The following CACNA2D1 variants were observed in gnomAD, a reference collection of about 807,000 sequenced individuals.
CACNA2D1 encodes the protein calcium voltage-gated channel auxiliary subunit alpha2delta 1.
In CACNA2D1, 53 loss-of-function variants were observed where a neutral mutation model predicts 171.5. The observed-to-expected ratio is 0.31, with a 90% CI of 0.25 to 0.39. The LOEUF is 0.39. Ranked by LOEUF, CACNA2D1 falls within the 10% of genes least tolerant of loss-of-function variation. CACNA2D1 has a pLI of 1.00. For synonymous variants in CACNA2D1, 442 were observed against 443.1 expected, an observed-to-expected ratio of 1.00 and a Z score of 0.03; for missense variants, 903 against 1,299.8, an observed-to-expected ratio of 0.69 and a Z score of 4.69.
intron 38 of CACNA2D1, among the ~76,000 whole-genome samples, chr7:81,953,399 C>G (rs960630709): frequency 1.3e-5 from 2 of 152,088 alleles, no homozygotes; most frequent in African/African-American, 4.8e-5. Flanking sequence ...ACCTTCTCCT[C>G]TCCCGCCTAC....
intron 15 of CACNA2D1, 42 bp from the exon 16 acceptor site, chr7:82,007,798 A>G (rs1562860334): frequency 8.6e-7 from 1 of 1,168,560 alleles, no homozygotes; most frequent in South Asian, 1.2e-5. Context: ...TAAAATTACA[A>G]TTTAAGCTTT....
intron 12 of CACNA2D1, among the ~76,000 whole-genome samples, chr7:82,030,631 A>C (rs1489398088): frequency 6.6e-6 from 1 of 151,794 alleles, no homozygotes; most frequent in African/African-American, 2.4e-5. Context: ...CAAGATTCCT[A>C]GTGGTTGCTT....
chr7:82,353,026 A>T (rs77483362), intron 1 of CACNA2D1, among the ~76,000 whole-genome samples: 2,256 of 152,324 alleles, frequency 0.015, 55 homozygotes, highest in African/African-American at 0.051. Flanking sequence ...GAGAGTAAAA[A>T]GATCATGTAA....
At chr7:81,958,921 A>C (rs1012059326) in intron 38 of CACNA2D1, among the ~76,000 whole-genome samples, 5 of 151,956 alleles carry the variant, frequency 3.3e-5, no homozygotes, top group African/African-American at 1.2e-4. Context: ...ACTGAAGACA[A>C]ATATAACTAA....
At chr7:82,302,506 C>T (rs148078263) in intron 3 of CACNA2D1, among the ~76,000 whole-genome samples, 2,163 of 151,736 alleles carry the variant, frequency 0.014, 43 homozygotes, top group Middle Eastern at 0.065. Flanking sequence ...CCTCTGCCTC[C>T]CGGGTTCAGG....
chr7:82,091,714 C>A (rs969978037), intron 6 of CACNA2D1, among the ~76,000 whole-genome samples: 4 of 152,096 alleles, frequency 2.6e-5, no homozygotes, highest in Non-Finnish European at 5.9e-5. Context: ...AATATAGGAG[C>A]CCCAAGGTCA....
intron 10 of CACNA2D1, among the ~76,000 whole-genome samples, chr7:82,058,476 T>C (rs896036808): frequency 6.6e-6 from 1 of 152,174 alleles, no homozygotes; most frequent in African/African-American, 2.4e-5. Flanking sequence ...TATGTTTATA[T>C]ACAAATAAAG....
At chr7:82,172,828 C>G (rs1796177202) in intron 3 of CACNA2D1, among the ~76,000 whole-genome samples, 1 of 140,850 alleles carries the variant, frequency 7.1e-6, no homozygotes, top group African/African-American at 2.9e-5. Flanking sequence ...TAAACTTTTA[C>G]ATGTATGGGC....
At chr7:82,366,169 A>T (rs1821680898) in intron 1 of CACNA2D1, among the ~76,000 whole-genome samples, 1 of 152,212 alleles carries the variant, frequency 6.6e-6, no homozygotes, top group African/African-American at 2.4e-5. Context: ...AACTTGTGTC[A>T]TCCGTAGTAT....
At chr7:82,217,394 CATATATATATATATATATAT>C (rs6150191) in intron 3 of CACNA2D1, among the ~76,000 whole-genome samples, 35,000 of 102,702 alleles carry the variant, frequency 0.34, 6,620 homozygotes, top group East Asian at 0.54. Context: ...CACACACATA[CATATATATATATATATATAT>C]ATATATATAT....
chr7:82,136,565 T>G (rs1375446474), intron 5 of CACNA2D1, 70 bp downstream of exon 5: 2 of 1,204,742 alleles, frequency 1.7e-6, no homozygotes, highest in Non-Finnish European at 2.4e-6. Flanking sequence ...CTAGCTCAAT[T>G]TATTCTATAT....
At chr7:82,045,383 A>G (rs1381026258) in intron 10 of CACNA2D1, among the ~76,000 whole-genome samples, 2 of 152,112 alleles carry the variant, frequency 1.3e-5, no homozygotes, top group Middle Eastern at 3.2e-3. Flanking sequence ...CTATGAGCCT[A>G]TTCCTTTACT....
At chr7:82,338,390 A>G (rs1818245352) in intron 2 of CACNA2D1, among the ~76,000 whole-genome samples, 1 of 151,890 alleles carries the variant, frequency 6.6e-6, no homozygotes, top group South Asian at 2.1e-4. Flanking sequence ...CTGGGGTGCA[A>G]TGGCTATTCA....
intron 4 of CACNA2D1, among the ~76,000 whole-genome samples, chr7:82,140,955 A>T (rs374065787): frequency 4.4e-3 from 291 of 66,788 alleles, no homozygotes; most frequent in South Asian, 0.01. Context: ...ACTCGTCTCT[A>T]AAAAAAAAAA....
In CACNA2D1 at chr7:82,136,637, C is replaced by T. The variant is rs749965891; in HGVS notation, c.394G>A (p.Asp132Asn). ...AATGGAAAACATTTAATACTCACATCGAGATCATCCTTTGCATTGTAGTAG... is the reference window on the plus strand; with the variant it reads ...AATGGAAAACATTTAATACTCACATTGAGATCATCCTTTGCATTGTAGTAG... ...VVYYNAKDDL[D>N]PEKNDSEPGS... Residue 132 changes from aspartate to asparagine, a missense_variant and splice_region_variant, in exon 5 of 39, where the codon GAT (aspartate) becomes AAT (asparagine). By Grantham distance (23) the Asp-to-Asn change is conservative. This residue lies in a region of CACNA2D1 where 189 missense variants were observed against 266.8 expected (regional missense o/e 0.71). Transcript: ENST00000356860. The T allele has an allele frequency of 1.3e-6, 2 of 1,588,264 alleles. No individual in the cohort carries two copies. The highest frequency in any genetic ancestry group is 2.2e-5 in the East Asian group (1 of 44,448).
chr7:82,390,586 GCTACTT>G (rs1825002043), intron 1 of CACNA2D1, among the ~76,000 whole-genome samples: 1 of 152,104 alleles, frequency 6.6e-6, no homozygotes, highest in Admixed American at 6.5e-5. Context: ...AGTGTAAAAT[GCTACTT>G]CTAGAAAAGT....
rs765115025 is a variant in CACNA2D1 at position 81,974,443 on chromosome 7, A to C, written c.2053+12T>G. ...ACACTCAAGCAATCATTTTGAATTA[A>C]TGCATACTTACATGATGGGTTGTTT... On this transcript the variant is annotated intron_variant, in intron 25 of 38. Transcript: ENST00000356860. 9 of 1,306,054 alleles carry C rather than the reference A, an allele frequency of 6.9e-6. No homozygotes were observed. The highest frequency in any genetic ancestry group is 3.4e-5 in the Admixed American group (2 of 59,112). 80.9% of individuals were successfully genotyped at this position (1,306,054 alleles called of 1,614,324 possible).
At chr7:82,398,836 C>A (rs1459875687) in intron 1 of CACNA2D1, among the ~76,000 whole-genome samples, 1 of 152,046 alleles carries the variant, frequency 6.6e-6, no homozygotes, top group Non-Finnish European at 1.5e-5. Context: ...GCCTCACCCT[C>A]CTAAAGTGCT....
At chr7:82,224,222 C>G (rs1802096644) in intron 3 of CACNA2D1, among the ~76,000 whole-genome samples, 1 of 152,022 alleles carries the variant, frequency 6.6e-6, no homozygotes, top group Non-Finnish European at 1.5e-5. Context: ...CCTTAAAATC[C>G]TAGTTAGCAT....
Sources: allele counts gnomAD v4.1 joint callset (sites outside exome capture counted in the v4.1 genomes callset), GRCh38; gene constraint gnomAD v4.1.1; regional missense constraint gnomAD v4.1.1; transcripts MANE v1.5; gene names NCBI Gene and HGNC (gene_info 2026-07-23, HGNC 2026-07-21).